Variants in CUL3 observed in about 807,000 individuals in gnomAD.
CUL3 encodes cullin 3.
In CUL3, 19 loss-of-function variants were observed where a neutral mutation model predicts 89.1. The ratio of observed to expected loss-of-function variants is 0.21; its 90% CI spans 0.15 to 0.31. The LOEUF is 0.31. Ranked by LOEUF, CUL3 falls within the 10% of genes least tolerant of loss-of-function variation. The pLI, the probability that CUL3 is intolerant of heterozygous loss-of-function variation, is 1.00. For synonymous variants in CUL3, 351 were observed against 308.4 expected (o/e 1.14, Z -1.45); for missense variants, 469 against 942.3 (o/e 0.50, Z 6.58).
intron 13 of CUL3, among the ~76,000 whole-genome samples, chr2:224,487,391 A>C (rs1373639069): frequency 6.8e-6 from 1 of 148,078 alleles, no homozygotes; most frequent in Admixed American, 6.9e-5. Flanking sequence ...GCAAAGGCAC[A>C]CACAGGCTCA....
intron 10 of CUL3, 93 bp downstream of exon 10, chr2:224,502,872 A>C: frequency 1.2e-6 from 1 of 844,254 alleles, no homozygotes; most frequent in South Asian, 1.6e-5. Flanking sequence ...TGACATTTAA[A>C]GAAACAACTG....
chr2:224,491,596 G>A (rs150158084), intron 13 of CUL3, among the ~76,000 whole-genome samples: 19 of 152,214 alleles, frequency 1.2e-4, no homozygotes, highest in African/African-American at 3.9e-4. Flanking sequence ...TGCAGAGCAA[G>A]GCATAATAGT....
intron 3 of CUL3, among the ~76,000 whole-genome samples, chr2:224,525,929 T>C (rs1373345453): frequency 6.6e-6 from 1 of 152,182 alleles, no homozygotes; most frequent in East Asian, 1.9e-4. Context: ...AACATATCCT[T>C]ACAGATTCCA....
At chr2:224,564,037 GC>G (rs1308507934) in intron 1 of CUL3, among the ~76,000 whole-genome samples, 1 of 152,200 alleles carries the variant, frequency 6.6e-6, no homozygotes, top group African/African-American at 2.4e-5. Context: ...TGTAATCCCA[GC>G]ACTTTGGGAG....
chr2:224,516,554 A>G (rs1693057465), intron 3 of CUL3, among the ~76,000 whole-genome samples: 1 of 151,746 alleles, frequency 6.6e-6, no homozygotes, highest in Admixed American at 6.6e-5. Flanking sequence ...TGACCTTGTG[A>G]TCTGCCCGCC....
At chr2:224,517,295 G>C (rs1398511270) in intron 3 of CUL3, among the ~76,000 whole-genome samples, 1 of 152,106 alleles carries the variant, frequency 6.6e-6, no homozygotes, top group Non-Finnish European at 1.5e-5. Flanking sequence ...TTTGCATCCT[G>C]AACATTTTAA....
intron 5 of CUL3, among the ~76,000 whole-genome samples, chr2:224,512,069 A>T (rs1429569373): frequency 6.6e-6 from 1 of 151,992 alleles, no homozygotes; most frequent in East Asian, 1.9e-4. Context: ...GTTTGAAAAT[A>T]AGAGCTTTTA....
chr2:224,536,716 T>C (rs1210828619), intron 2 of CUL3, among the ~76,000 whole-genome samples: 1 of 152,156 alleles, frequency 6.6e-6, no homozygotes, highest in Non-Finnish European at 1.5e-5. Context: ...ATTCAAGACT[T>C]CAAAAATTCC....
At chr2:224,495,347 T>G (rs1292906878) in intron 13 of CUL3, 2 of 152,444 alleles carry the variant, frequency 1.3e-5, no homozygotes, top group Non-Finnish European at 2.9e-5. Flanking sequence ...TCAACCCAAA[T>G]GCAGGTGAAC....
In CUL3 at chr2:224,474,023, C is replaced by G. The variant is rs773916110; in HGVS notation, c.*222G>C. On this transcript the variant is annotated 3_prime_UTR_variant, in exon 16 of 16. Coordinates refer to ENST00000264414, the MANE Select transcript of CUL3 (RefSeq NM_003590.5). ...AGCACATTCACATTTTCCCGAGGAACTGTAAAGATGATCTCTACAGGGATA... is the reference window on the plus strand; with the variant it reads ...AGCACATTCACATTTTCCCGAGGAAGTGTAAAGATGATCTCTACAGGGATA... The G allele has an allele frequency of 2.8e-6, 1 of 355,560 alleles. No individual in the cohort carries two copies. Among genetic ancestry groups the G allele is most frequent in the Non-Finnish European group, 5.0e-6 (1 of 198,840 alleles). The allele number at this position is 355,560 out of a possible 1,614,324, so 22.0% of individuals were successfully genotyped here.
At chr2:224,572,293 A>G (rs989107113) in intron 1 of CUL3, among the ~76,000 whole-genome samples, 1 of 152,110 alleles carries the variant, frequency 6.6e-6, no homozygotes, top group African/African-American at 2.4e-5. Flanking sequence ...CACGGTTTGA[A>G]TGCCTGTGTC....
chr2:224,532,444 T>G (rs2106257960), intron 3 of CUL3, among the ~76,000 whole-genome samples: 1 of 149,088 alleles, frequency 6.7e-6, no homozygotes, highest in East Asian at 2.0e-4. Flanking sequence ...AATGACCAAC[T>G]GTGGCAAATG....
At position 224,500,627 on chromosome 2, in the gene CUL3, C is replaced by CT. The variant is rs11350781; in HGVS notation, c.1486-141dup. 0.16 allele frequency: 61,247 copies of CT among 394,436 alleles called. 2,812 individuals carry two copies. Among genetic ancestry groups the CT allele is most frequent in the African/African-American group, 0.27 (11,156 of 41,354 alleles). 24.4% of individuals were successfully genotyped at this position (394,436 alleles called of 1,614,324 possible). On this transcript the variant is annotated intron_variant, in intron 10 of 15. Transcript: ENST00000264414. ...TTTAAAAAAAAGCAGATTTTCTTTT[C>CT]TTTTTTTTTTTTTTTTTGAGACAGA...
chr2:224,520,083 T>A (rs1411031631), intron 3 of CUL3, among the ~76,000 whole-genome samples: 1 of 152,226 alleles, frequency 6.6e-6, no homozygotes, highest in Non-Finnish European at 1.5e-5. Context: ...TGGCTTTTTC[T>A]ACTTGCCTTT....
At chr2:224,490,009 A>G (rs891282373) in intron 13 of CUL3, among the ~76,000 whole-genome samples, 6 of 152,210 alleles carry the variant, frequency 3.9e-5, no homozygotes, top group African/African-American at 1.4e-4. Context: ...AATTTACAAG[A>G]AAAAAAGAAC....
intron 1 of CUL3, among the ~76,000 whole-genome samples, chr2:224,570,350 T>G (rs1433482489): frequency 1.3e-5 from 2 of 152,190 alleles, no homozygotes; most frequent in African/African-American, 4.8e-5. Flanking sequence ...TCAAACAGAC[T>G]TTGAACAAAT....
chr2:224,530,313 G>C (rs1693648566), intron 3 of CUL3, among the ~76,000 whole-genome samples: 1 of 152,058 alleles, frequency 6.6e-6, no homozygotes, highest in Admixed American at 6.6e-5. Flanking sequence ...TGGGCAGACA[G>C]TGAAGTTTCT....
chr2:224,484,699 T>C (rs1691653797), intron 13 of CUL3, among the ~76,000 whole-genome samples: 1 of 152,172 alleles, frequency 6.6e-6, no homozygotes, highest in Non-Finnish European at 1.5e-5. Flanking sequence ...GATTTGCACT[T>C]ATATTTAGAT....
intron 2 of CUL3, among the ~76,000 whole-genome samples, chr2:224,550,884 C>A (rs549776424): frequency 1.9e-4 from 29 of 152,178 alleles, no homozygotes; most frequent in African/African-American, 5.8e-4. Flanking sequence ...GGCTTCCTAA[C>A]GTACATATAA....
Sources: allele counts gnomAD v4.1 joint callset (sites outside exome capture counted in the v4.1 genomes callset), GRCh38; gene constraint gnomAD v4.1.1; transcripts MANE v1.5; gene names NCBI Gene and HGNC (gene_info 2026-07-23, HGNC 2026-07-21).